CACNG2: variants seen among roughly 807,000 people sequenced by gnomAD.
The protein encoded by CACNG2 is voltage-dependent calcium channel gamma-2 subunit.
Under a neutral mutation model 25.9 loss-of-function variants are expected in CACNG2, and 3 were observed. That is an observed-to-expected ratio of 0.12 (90% CI 0.05 to 0.30). CACNG2 has a LOEUF of 0.30. Among genes scored for constraint, CACNG2 ranks in the 10% least tolerant of loss-of-function variants. The pLI, the probability that CACNG2 is intolerant of heterozygous loss-of-function variation, is 1.00. For synonymous variants in CACNG2, 167 were observed against 173.3 expected (o/e 0.96, Z 0.29); for missense variants, 341 against 432.5 (o/e 0.79, Z 1.88).
At chr22:36,586,607 A>G (rs543521647) in intron 2 of CACNG2, among the ~76,000 whole-genome samples, 1 of 152,296 alleles carries the variant, frequency 6.6e-6, no homozygotes, top group East Asian at 1.9e-4. Context: ...GCTTCATAAA[A>G]GTGATCTGAG....
intron 1 of CACNG2, among the ~76,000 whole-genome samples, chr22:36,653,847 G>A (rs1358757557): frequency 6.6e-6 from 1 of 151,984 alleles, no homozygotes; most frequent in Non-Finnish European, 1.5e-5. Flanking sequence ...TCTTGATGGT[G>A]TAAGACCTCC....
intron 1 of CACNG2, among the ~76,000 whole-genome samples, chr22:36,637,362 T>C (rs1936372719): frequency 6.6e-6 from 1 of 152,198 alleles, no homozygotes; most frequent in Non-Finnish European, 1.5e-5. Flanking sequence ...TGACGAGTAT[T>C]AGTGGAACAA....
At chr22:36,580,842 A>G (rs1935403008) in intron 2 of CACNG2, among the ~76,000 whole-genome samples, 1 of 152,146 alleles carries the variant, frequency 6.6e-6, no homozygotes, top group Non-Finnish European at 1.5e-5. Flanking sequence ...CCTGGACACA[A>G]CACGCACACA....
Position 36,669,508 on chromosome 22 carries a change from C to CAA in CACNG2, c.211+32856_211+32857dup, listed in dbSNP as rs1157379465. Among the ~76,000 whole-genome samples the CAA allele has an allele frequency of 5.9e-3, 361 of 61,558 alleles. 1 individual carries two copies. The highest frequency in any genetic ancestry group is 9.0e-3 in the Admixed American group (39 of 4,334). 40.4% of individuals were successfully genotyped at this position (61,558 alleles called of 152,430 possible). On this transcript the variant is annotated intron_variant, in intron 1 of 3. Coordinates refer to ENST00000300105, the MANE Select transcript of CACNG2 (RefSeq NM_006078.5). Reference sequence around the variant, plus strand: ...GGAGACAAGAGTGAAACTCTATCTCCAAAAAAAAAAAAAAAAAAAAAAAAA... The same window carrying CAA: ...GGAGACAAGAGTGAAACTCTATCTCCAAAAAAAAAAAAAAAAAAAAAAAAAAA...
intron 1 of CACNG2, among the ~76,000 whole-genome samples, chr22:36,607,918 C>A (rs1202079989): frequency 6.6e-6 from 1 of 152,222 alleles, no homozygotes; most frequent in Admixed American, 6.5e-5. Flanking sequence ...GACAGCAGAG[C>A]TAGAAGCCAC....
At chr22:36,617,736 CTG>C (rs1256636719) in intron 1 of CACNG2, among the ~76,000 whole-genome samples, 1 of 150,574 alleles carries the variant, frequency 6.6e-6, no homozygotes, top group Non-Finnish European at 1.5e-5. Context: ...AGCCCAATGA[CTG>C]AACTCTGACT....
At chr22:36,624,309 G>A (rs1418328755) in intron 1 of CACNG2, among the ~76,000 whole-genome samples, 2 of 152,138 alleles carry the variant, frequency 1.3e-5, no homozygotes, top group Admixed American at 6.5e-5. Context: ...GCAGTCCTTC[G>A]CACAGTACTG....
intron 1 of CACNG2, among the ~76,000 whole-genome samples, chr22:36,633,385 AG>A (rs1936305566): frequency 6.6e-6 from 1 of 152,208 alleles, no homozygotes; most frequent in South Asian, 2.1e-4. Flanking sequence ...TAAGGTTCTA[AG>A]GTTTATGCTT....
At chr22:36,646,148 C>A (rs1199946736) in intron 1 of CACNG2, among the ~76,000 whole-genome samples, 5 of 152,172 alleles carry the variant, frequency 3.3e-5, no homozygotes, top group African/African-American at 1.2e-4. Flanking sequence ...AAGCCTATAT[C>A]TGGGAAATAT....
intron 2 of CACNG2, among the ~76,000 whole-genome samples, chr22:36,579,455 A>G (rs1474600672): frequency 6.7e-6 from 1 of 149,688 alleles, no homozygotes; most frequent in Admixed American, 6.7e-5. Context: ...TGTCAAATAC[A>G]TATAGGATCA....
At position 36,595,317 on chromosome 22, in the gene CACNG2, C is replaced by T. The variant is rs140623145; in HGVS notation, c.212-7769G>A. ...GAGAGGGCCCGAAGCCAGCAGTGTG[C>T]GGGCCGGCTCGCCCCTGCTCAAGGG... On this transcript the variant is annotated intron_variant, in intron 1 of 3. Transcript: ENST00000300105. 1.0e-3 allele frequency among the ~76,000 whole-genome samples: 158 copies of T among 152,262 alleles called. 1 individual carries two copies. The highest frequency in any genetic ancestry group is 3.6e-3 in the African/African-American group (149 of 41,538).
intron 2 of CACNG2, among the ~76,000 whole-genome samples, chr22:36,581,650 T>C (rs978471116): frequency 6.6e-6 from 1 of 152,058 alleles, no homozygotes; most frequent in African/African-American, 2.4e-5. Flanking sequence ...TTTCCTGGAG[T>C]GTCCTCATCT....
At chr22:36,589,115 T>C (rs1041588660) in intron 1 of CACNG2, among the ~76,000 whole-genome samples, 4 of 151,672 alleles carry the variant, frequency 2.6e-5, no homozygotes, top group Non-Finnish European at 2.9e-5. Context: ...GTCAGCCTCC[T>C]GAGTAGCTGG....
intron 1 of CACNG2, among the ~76,000 whole-genome samples, chr22:36,635,137 A>C (rs1936334247): frequency 6.6e-6 from 1 of 152,130 alleles, no homozygotes; most frequent in Admixed American, 6.5e-5. Context: ...CAAAAAAATT[A>C]GCCAGGTGTG....
chr22:36,563,366 C>CG lies in CACNG2; in HGVS notation c.*984dup, dbSNP rs56791508. ...GGAGGGAGAGCTGTTTCATGTCCCC[C>CG]GGGGGGGGGGGTGGCATCTCCTGAC... On this transcript the variant is annotated 3_prime_UTR_variant, in exon 4 of 4. Transcript: ENST00000300105. Among the ~76,000 whole-genome samples the CG allele has an allele frequency of 0.055, 8,117 of 147,702 alleles. 303 individuals carry two copies. The highest frequency in any genetic ancestry group is 0.13 in the Middle Eastern group (36 of 284).
At chr22:36,594,693 G>C (rs931861586) in intron 1 of CACNG2, among the ~76,000 whole-genome samples, 24 of 145,902 alleles carry the variant, frequency 1.6e-4, no homozygotes, top group African/African-American at 4.7e-4. Flanking sequence ...GTGTGTGTCT[G>C]TGTGTGTGTC....
At chr22:36,602,523 T>A (rs1461601142) in intron 1 of CACNG2, among the ~76,000 whole-genome samples, 2 of 152,108 alleles carry the variant, frequency 1.3e-5, no homozygotes, top group Non-Finnish European at 1.5e-5. Flanking sequence ...GTAGCTGGGA[T>A]TACAGGCACC....
chr22:36,601,074 A>G (rs1400019689), intron 1 of CACNG2, among the ~76,000 whole-genome samples: 3 of 152,214 alleles, frequency 2.0e-5, no homozygotes, highest in East Asian at 3.8e-4. Flanking sequence ...CATGTTGTAC[A>G]TTAGAGCTCT....
chr22:36,592,874 G>A (rs1447960941), intron 1 of CACNG2, among the ~76,000 whole-genome samples: 4 of 152,208 alleles, frequency 2.6e-5, no homozygotes, highest in African/African-American at 9.7e-5. Flanking sequence ...GTCAGGGCCG[G>A]GAATGGGAAG....
Sources: gnomAD v4.1 joint callset for allele counts (sites outside exome capture counted in the v4.1 genomes callset) on GRCh38, gnomAD v4.1.1 for gene constraint, MANE v1.5 for transcripts, NCBI Gene and HGNC (gene_info 2026-07-23, HGNC 2026-07-21) for gene names.